The following USO1 variants were observed in gnomAD, a reference collection of about 807,000 sequenced individuals.
USO1 encodes the protein USO1 vesicle transport factor, also known as general vesicular transport factor p115.
In USO1, 57 loss-of-function variants were observed where a neutral mutation model predicts 124.5. The ratio of observed to expected loss-of-function variants is 0.46; its 90% CI spans 0.37 to 0.57. The LOEUF is 0.57. Ranked by LOEUF, USO1 falls within the 20% of genes least tolerant of loss-of-function variation. USO1 has a pLI of 0.00. For missense variants in USO1, 900 were observed against 1,040.6 expected (o/e 0.86, Z 1.86); for synonymous variants, 369 against 362.8 (o/e 1.02, Z -0.19).
chr4:75,801,216 C>T lies in USO1; in HGVS notation c.1986+16C>T, dbSNP rs772866419. On this transcript the variant is annotated intron_variant, in intron 17 of 23. Coordinates refer to ENST00000514213, the MANE Select transcript of USO1 (RefSeq NM_003715.4). The stretch of plus-strand genomic sequence containing the variant: ...TCGAGAGCAGGTAAGTACTAATGAA[C>T]TGTATATACCCTCTGATTACCAATA... The T allele has an allele frequency of 1.4e-5, 22 of 1,579,146 alleles. No homozygotes were observed. The highest frequency in any genetic ancestry group is 3.9e-5 in the Admixed American group (2 of 51,874).
At position 75,788,165 on chromosome 4, in the gene USO1, TTA is replaced by T. The variant is rs202140385; in HGVS notation, c.996+965_996+966del. ...GGATCCTATATCTTTATTTATTTAT[TTA>T]TTTATTTTTTTTTTTTTTTGTACAG... is the stretch of plus-strand genomic sequence containing the variant. On this transcript the variant is annotated intron_variant, in intron 10 of 23. Transcript: ENST00000514213. 3.8e-3 allele frequency among the ~76,000 whole-genome samples: 347 copies of T among 91,360 alleles called. 7 individuals are homozygous for T. The highest frequency in any genetic ancestry group is 0.01 in the African/African-American group (327 of 31,830). 59.9% of individuals were successfully genotyped at this position (91,360 alleles called of 152,430 possible). A position where few individuals can be genotyped will look rare whatever the true frequency, so the allele number is the denominator to read the frequency against.
chr4:75,787,018 T>C, intron 9 of USO1, 44 bp from the exon 10 acceptor site: 1 of 1,536,104 alleles, frequency 6.5e-7, no homozygotes, highest in East Asian at 2.4e-5. Flanking sequence ...TCAAGCCTTT[T>C]CAAATCTTTA....
intron 9 of USO1, among the ~76,000 whole-genome samples, chr4:75,783,313 A>G (rs756518559): frequency 1.3e-5 from 2 of 152,222 alleles, no homozygotes; most frequent in Admixed American, 6.5e-5. Flanking sequence ...ATAAATGATC[A>G]TGTCCTGCCC....
At chr4:75,736,792 A>G (rs1720805039) in intron 1 of USO1, among the ~76,000 whole-genome samples, 1 of 152,242 alleles carries the variant, frequency 6.6e-6, no homozygotes, top group South Asian at 2.1e-4. Context: ...CCTAATACCT[A>G]GTTAGCATAA....
chr4:75,726,685 C>A (rs1289738999), intron 1 of USO1, among the ~76,000 whole-genome samples: 1 of 152,190 alleles, frequency 6.6e-6, no homozygotes, highest in Non-Finnish European at 1.5e-5. Context: ...CTGTAACACA[C>A]GCACACATTT....
At chr4:75,805,993 TA>T (rs1366805968) in intron 19 of USO1, among the ~76,000 whole-genome samples, 8 of 152,210 alleles carry the variant, frequency 5.3e-5, no homozygotes, top group Admixed American at 2.6e-4. Flanking sequence ...ATAAAAATTT[TA>T]TTTTTTTTTC....
chr4:75,806,397 G>A (rs1358918435), intron 19 of USO1, 89 bp from the exon 20 acceptor site: 3 of 1,457,448 alleles, frequency 2.1e-6, no homozygotes, highest in Non-Finnish European at 2.8e-6. Flanking sequence ...AAGCACATAT[G>A]ATATAGTTTA....
chr4:75,783,370 A>G (rs1373618592), intron 9 of USO1, among the ~76,000 whole-genome samples: 2 of 152,224 alleles, frequency 1.3e-5, no homozygotes, highest in Non-Finnish European at 2.9e-5. Context: ...TGTTAAATTG[A>G]CAGACCACCT....
chr4:75,788,518 CT>C (rs1722434821), intron 10 of USO1, among the ~76,000 whole-genome samples: 1 of 150,672 alleles, frequency 6.6e-6, no homozygotes, highest in South Asian at 2.1e-4. Flanking sequence ...CTTTATTTTT[CT>C]TAATTTTCTT....
Position 75,724,659 on chromosome 4 carries a change from C to G in USO1, c.-161C>G. On this transcript the variant is annotated 5_prime_UTR_variant, in exon 1 of 24. Transcript: ENST00000514213. ...TCTTGGCCGCTGCTGGCGGCTGTTT[C>G]CGGGCTTAGAGGGCTGGAGTGGCCG... 1 of 654,756 alleles carries G rather than the reference C, an allele frequency of 1.5e-6. No homozygotes were observed. The highest frequency in any genetic ancestry group is 2.6e-6 in the Non-Finnish European group (1 of 387,724). 40.6% of individuals were successfully genotyped at this position (654,756 alleles called of 1,614,324 possible).
intron 9 of USO1, among the ~76,000 whole-genome samples, chr4:75,784,558 T>G (rs956070713): frequency 6.6e-6 from 1 of 152,202 alleles, no homozygotes; most frequent in Non-Finnish European, 1.5e-5. Context: ...CTCACACCTA[T>G]GATCCCAGCA....
At chr4:75,740,840 C>G (rs1720937607) in intron 1 of USO1, among the ~76,000 whole-genome samples, 1 of 152,186 alleles carries the variant, frequency 6.6e-6, no homozygotes, top group Non-Finnish European at 1.5e-5. Flanking sequence ...AAAATTGCCT[C>G]TTTCTTCCTT....
chr4:75,765,593 A>C (rs1217210513), intron 4 of USO1, among the ~76,000 whole-genome samples: 1 of 151,572 alleles, frequency 6.6e-6, no homozygotes, highest in Non-Finnish European at 1.5e-5. Flanking sequence ...TTGTAAATAA[A>C]ATGGGAAGGG....
intron 1 of USO1, among the ~76,000 whole-genome samples, chr4:75,740,462 AT>A (rs1720927327): frequency 6.6e-6 from 1 of 152,144 alleles, no homozygotes; most frequent in African/African-American, 2.4e-5. Flanking sequence ...TAATTTTTAA[AT>A]TTCTTATAAA....
At chr4:75,751,297 C>A (rs939144838) in intron 1 of USO1, among the ~76,000 whole-genome samples, 6 of 150,572 alleles carry the variant, frequency 4.0e-5, no homozygotes, top group Non-Finnish European at 1.5e-5. Flanking sequence ...CTGCAACCTC[C>A]GCCTGCCAGG....
At chr4:75,757,768 G>A (rs1291498785) in intron 4 of USO1, among the ~76,000 whole-genome samples, 195 bp downstream of exon 4, 1 of 152,072 alleles carries the variant, frequency 6.6e-6, no homozygotes, top group Non-Finnish European at 1.5e-5. Flanking sequence ...GTGTAAGTCA[G>A]AACATTATAG....
In USO1 at chr4:75,797,782, C is replaced by T. The variant is rs973175096; in HGVS notation, c.1453-1840C>T. 3.9e-5 allele frequency among the ~76,000 whole-genome samples: 6 copies of T among 152,008 alleles called. No individual in the cohort carries two copies. The South Asian group carries it at 6.2e-4, about 16-fold the overall frequency. On this transcript the variant is annotated intron_variant, in intron 13 of 23. Transcript: ENST00000514213. The stretch of plus-strand genomic sequence containing the variant: ...TCAGCCTCCTGAGTAGCTGGGACTA[C>T]AGGCGCGCGCCACCTCGCCTGGCTA...
intron 4 of USO1, chr4:75,770,061 T>C: frequency 6.5e-6 from 1 of 154,910 alleles, no homozygotes; most frequent in Non-Finnish European, 1.4e-5. Flanking sequence ...CTCTGAATTG[T>C]AGTCTGAGTT....
chr4:75,744,250 A>G (rs1026577132), intron 1 of USO1, among the ~76,000 whole-genome samples: 3 of 152,166 alleles, frequency 2.0e-5, no homozygotes, highest in Non-Finnish European at 4.4e-5. Flanking sequence ...TTGTTGAACA[A>G]ATGAATGGAT....
Sources: allele counts gnomAD v4.1 joint callset (sites outside exome capture counted in the v4.1 genomes callset), GRCh38; gene constraint gnomAD v4.1.1; transcripts MANE v1.5; gene names NCBI Gene and HGNC (gene_info 2026-07-23, HGNC 2026-07-21).